Variants in FGF12 observed in about 807,000 individuals in gnomAD.
The protein encoded by FGF12 is fibroblast growth factor 12.
Under a neutral mutation model 23.6 loss-of-function variants are expected in FGF12, and 14 were observed. That is an observed-to-expected ratio of 0.59 (90% CI 0.39 to 0.93). The LOEUF (loss-of-function observed/expected upper bound fraction) is 0.93, where lower values mean the gene tolerates loss of function less well. Among genes scored for constraint, FGF12 ranks in the 40% least tolerant of loss-of-function variants. The pLI is 0.00. For missense variants in FGF12, 175 were observed against 217.8 expected (o/e 0.80, Z 1.24); for synonymous variants, 62 against 77.3 (o/e 0.80, Z 1.04).
chr3:192,567,768 T>TCTTC (rs1712387082), intron 2 of FGF12, among the ~76,000 whole-genome samples: 1 of 134,020 alleles, frequency 7.5e-6, no homozygotes, highest in Non-Finnish European at 1.7e-5. Context: ...TTTCTTTCTT[T>TCTTC]CTTTCTTTCT....
chr3:192,550,746 T>A (rs781609526), intron 2 of FGF12, among the ~76,000 whole-genome samples: 5 of 152,082 alleles, frequency 3.3e-5, no homozygotes, highest in African/African-American at 4.8e-5. Context: ...TTCTGATACA[T>A]AACCAAAGAG....
chr3:192,431,296 T>G (rs1721851551), intron 2 of FGF12, among the ~76,000 whole-genome samples: 1 of 152,182 alleles, frequency 6.6e-6, no homozygotes, highest in South Asian at 2.1e-4. Context: ...CCTTTCCATT[T>G]AAAGTTTGTA....
At chr3:192,500,213 C>T (rs1478293868) in intron 2 of FGF12, among the ~76,000 whole-genome samples, 1 of 152,228 alleles carries the variant, frequency 6.6e-6, no homozygotes, top group African/African-American at 2.4e-5. Context: ...CCCAGCTCCA[C>T]ATACTGTCTT....
chr3:192,424,127 C>G (rs1179782961), intron 2 of FGF12, among the ~76,000 whole-genome samples: 3 of 152,094 alleles, frequency 2.0e-5, no homozygotes, highest in Non-Finnish European at 4.4e-5. Flanking sequence ...AAAACGTCCC[C>G]AGTTAGCATA....
chr3:192,392,591 CGAGAGA>C (rs67784749), intron 2 of FGF12, among the ~76,000 whole-genome samples: 9,908 of 41,652 alleles, frequency 0.24, 1,136 homozygotes, highest in East Asian at 0.48. Flanking sequence ...AGTGAAACTC[CGAGAGA>C]GAGAGAGAGA....
intron 2 of FGF12, among the ~76,000 whole-genome samples, chr3:192,532,242 T>G (rs953308148): frequency 2.0e-5 from 3 of 152,186 alleles, no homozygotes; most frequent in Non-Finnish European, 4.4e-5. Flanking sequence ...GGCTCTTTTT[T>G]GGTTCCATAT....
intron 4 of FGF12, among the ~76,000 whole-genome samples, chr3:192,263,920 A>C (rs1449159320): frequency 1.3e-5 from 2 of 152,104 alleles, no homozygotes; most frequent in African/African-American, 2.4e-5. Context: ...TCTTTGACTC[A>C]AAATCATCTT....
intron 2 of FGF12, among the ~76,000 whole-genome samples, chr3:192,525,623 T>A (rs1724923589): frequency 6.6e-6 from 1 of 152,180 alleles, no homozygotes; most frequent in Non-Finnish European, 1.5e-5. Context: ...CTTAAGTCCC[T>A]AAAGAATGTG....
intron 2 of FGF12, among the ~76,000 whole-genome samples, chr3:192,627,275 A>T (rs942286249): frequency 6.6e-6 from 1 of 152,028 alleles, no homozygotes; most frequent in South Asian, 2.1e-4. Context: ...TCTCAGGGGC[A>T]TTTCTCCAAT....
At chr3:192,594,679 G>A (rs1044461626) in intron 2 of FGF12, among the ~76,000 whole-genome samples, 13 of 151,820 alleles carry the variant, frequency 8.6e-5, no homozygotes, top group African/African-American at 3.1e-4. Flanking sequence ...GGTTTTATAA[G>A]AAGAGCAAGA....
intron 2 of FGF12, among the ~76,000 whole-genome samples, chr3:192,589,333 C>G (rs76138868): frequency 8.1e-6 from 1 of 123,720 alleles, no homozygotes; most frequent in African/African-American, 2.9e-5. Flanking sequence ...GACTCCATCT[C>G]AAAAAAAAAA....
intron 4 of FGF12, among the ~76,000 whole-genome samples, chr3:192,296,354 G>C (rs1446850088): frequency 2.0e-5 from 3 of 151,604 alleles, no homozygotes; most frequent in African/African-American, 4.9e-5. Flanking sequence ...CTTCCCAGTA[G>C]CTGGGACCAC....
chr3:192,567,791 TTCTTTC>T, intron 2 of FGF12, among the ~76,000 whole-genome samples: 1 of 124,572 alleles, frequency 8.0e-6, no homozygotes, highest in Non-Finnish European at 1.8e-5. Flanking sequence ...CTTTCTTTCT[TTCTTTC>T]TTTCTCTTTC....
chr3:192,311,618 G>A (rs1715942067), intron 4 of FGF12, among the ~76,000 whole-genome samples: 1 of 152,184 alleles, frequency 6.6e-6, no homozygotes, highest in Non-Finnish European at 1.5e-5. Context: ...ATATACAAGA[G>A]TCTTTGTGTA....
chr3:192,187,884 C>T (rs762540831), intron 4 of FGF12, among the ~76,000 whole-genome samples: 49 of 151,996 alleles, frequency 3.2e-4, no homozygotes, highest in South Asian at 2.1e-4. Context: ...GTAAGTTTTC[C>T]TCGACATGGG....
chr3:192,254,075 A>G (rs1257176844), intron 4 of FGF12, among the ~76,000 whole-genome samples: 5 of 151,914 alleles, frequency 3.3e-5, no homozygotes, highest in Non-Finnish European at 7.4e-5. Context: ...TCAAGAATAC[A>G]TTGTTATTAG....
intron 2 of FGF12, among the ~76,000 whole-genome samples, chr3:192,611,135 A>T (rs1714536242): frequency 1.3e-5 from 2 of 152,054 alleles, no homozygotes; most frequent in Non-Finnish European, 2.9e-5. Context: ...CAGCTATAGA[A>T]GAAAGAAAAG....
chr3:192,630,775 G>A (rs953076400), intron 2 of FGF12, among the ~76,000 whole-genome samples: 1 of 151,094 alleles, frequency 6.6e-6, no homozygotes, highest in Admixed American at 6.6e-5. Flanking sequence ...AGCCAGGATG[G>A]CCTCAATCTC....
intron 2 of FGF12, among the ~76,000 whole-genome samples, chr3:192,510,732 GTGGGTGAA>G: frequency 6.6e-6 from 1 of 152,292 alleles, no homozygotes; most frequent in South Asian, 2.1e-4. Context: ...ATGTTCTTTA[GTGGGTGAA>G]TGGATAAATA....
Sources: gnomAD v4.1 joint callset for allele counts (sites outside exome capture counted in the v4.1 genomes callset) on GRCh38, gnomAD v4.1.1 for gene constraint, MANE v1.5 for transcripts, NCBI Gene and HGNC (gene_info 2026-07-23, HGNC 2026-07-21) for gene names.